Variants in GRM5 observed in about 807,000 individuals in gnomAD.
The protein encoded by GRM5 is metabotropic glutamate receptor 5.
Under a neutral mutation model 83.1 loss-of-function variants are expected in GRM5, and 19 were observed. That is an observed-to-expected ratio of 0.23 (90% confidence interval 0.16 to 0.34). The LOEUF is 0.34. Ranked by LOEUF, GRM5 falls within the 10% of genes least tolerant of loss-of-function variation. GRM5 has a pLI of 1.00. For missense variants in GRM5, 1,160 were observed against 1,588.3 expected (o/e 0.73, Z 4.58); for synonymous variants, 675 against 633.6 (o/e 1.07, Z -0.98).
chr11:88,810,265 A>G (rs184875786), intron 3 of GRM5, among the ~76,000 whole-genome samples: 38 of 152,140 alleles, frequency 2.5e-4, no homozygotes, highest in Non-Finnish European at 4.7e-4. Flanking sequence ...TTAGGTTTGG[A>G]TAGCTGAGTA....
intron 2 of GRM5, among the ~76,000 whole-genome samples, chr11:88,971,666 TA>T (rs1565314805): frequency 6.6e-6 from 1 of 152,164 alleles, no homozygotes; most frequent in African/African-American, 2.4e-5. Context: ...CCACTTTTTT[TA>T]AAATCCAGTT....
chr11:88,971,812 T>C lies in GRM5; in HGVS notation c.661+75400A>G, dbSNP rs1403890233. ...GCAGTTATGAGGAGCACATATAGTGTCCTATTATTTGTTTCTAGATACTAG... is the reference window on the plus strand; with the variant it reads ...GCAGTTATGAGGAGCACATATAGTGCCCTATTATTTGTTTCTAGATACTAG... On this transcript the variant is annotated intron_variant, in intron 2 of 9. Coordinates refer to ENST00000305447, the MANE Select transcript of GRM5 (RefSeq NM_001143831.3). 5.3e-5 allele frequency among the ~76,000 whole-genome samples: 8 copies of C among 152,040 alleles called. No individual in the cohort carries two copies. In the East Asian group the frequency reaches 1.5e-3, roughly 29 times the overall value.
rs190339816 is a variant in GRM5 at position 88,841,227 on chromosome 11, T to C, written c.911+8679A>G. Reference sequence around the variant, plus strand: ...CACATTAAAAACCTGTTACAGCAAATATTCCTTCTCCTCAGTGGTTTTCTT... The same window carrying C: ...CACATTAAAAACCTGTTACAGCAAACATTCCTTCTCCTCAGTGGTTTTCTT... On this transcript the variant is annotated intron_variant, in intron 3 of 9. Coordinates refer to ENST00000305447, the MANE Select transcript of GRM5 (RefSeq NM_001143831.3). Among the ~76,000 whole-genome samples, 13 of 152,264 alleles carry C rather than the reference T, an allele frequency of 8.5e-5. No individual in the cohort carries two copies. The East Asian group carries it at 2.5e-3, about 29-fold the overall frequency.
At chr11:88,782,083 G>A (rs1321175388) in intron 3 of GRM5, among the ~76,000 whole-genome samples, 3 of 151,758 alleles carry the variant, frequency 2.0e-5, no homozygotes, top group Non-Finnish European at 4.4e-5. Context: ...GTATTGCATG[G>A]TATTTATTAA....
chr11:88,931,863 T>A (rs1449956648), intron 2 of GRM5, among the ~76,000 whole-genome samples: 1 of 152,188 alleles, frequency 6.6e-6, no homozygotes, highest in Non-Finnish European at 1.5e-5. Context: ...TCTTCGCTAC[T>A]GTCTCTGATA....
intron 3 of GRM5, among the ~76,000 whole-genome samples, chr11:88,701,207 T>C (rs1941026984): frequency 6.6e-6 from 1 of 152,094 alleles, no homozygotes; most frequent in African/African-American, 2.4e-5. Context: ...ACCATCTTGT[T>C]AGAGCAGTGG....
chr11:88,533,841 G>T (rs1942073217), intron 8 of GRM5, among the ~76,000 whole-genome samples: 1 of 152,174 alleles, frequency 6.6e-6, no homozygotes, highest in Non-Finnish European at 1.5e-5. Context: ...GGAGGAAAAA[G>T]TGGTTTCGTG....
rs577973994 is a variant in GRM5, at chr11:88,951,236, T to C, written c.661+95976A>G. 1.6e-4 allele frequency among the ~76,000 whole-genome samples: 25 copies of C among 152,362 alleles called. No homozygotes were observed. The South Asian group carries it at 5.0e-3, about 30-fold the overall frequency. ...GTTAACATTTTCAGAATCAACTCCATTTCCAGAACAGTCTCTGCTTTTACA... is the reference window on the plus strand; with the variant it reads ...GTTAACATTTTCAGAATCAACTCCACTTCCAGAACAGTCTCTGCTTTTACA... On this transcript the variant is annotated intron_variant, in intron 2 of 9. Coordinates refer to ENST00000305447, the MANE Select transcript of GRM5 (RefSeq NM_001143831.3).
chr11:88,704,902 A>G (rs1311673875), intron 3 of GRM5, among the ~76,000 whole-genome samples: 1 of 151,930 alleles, frequency 6.6e-6, no homozygotes, highest in African/African-American at 2.4e-5. Context: ...AAATGAATGC[A>G]TGGTCTCACT....
At chr11:88,668,843 G>T (rs572525615) in intron 3 of GRM5, among the ~76,000 whole-genome samples, 131 of 152,184 alleles carry the variant, frequency 8.6e-4, no homozygotes, top group Non-Finnish European at 1.0e-4. Context: ...CCACAATTCA[G>T]TTTATGCTTT....
At chr11:88,746,712 T>C (rs979762299) in intron 3 of GRM5, among the ~76,000 whole-genome samples, 1 of 152,182 alleles carries the variant, frequency 6.6e-6, no homozygotes, top group African/African-American at 2.4e-5. Flanking sequence ...TAGCCAAAGA[T>C]AGAGACTGTT....
chr11:88,661,221 G>T (rs1338076754), intron 3 of GRM5, among the ~76,000 whole-genome samples: 1 of 152,100 alleles, frequency 6.6e-6, no homozygotes, highest in African/African-American at 2.4e-5. Flanking sequence ...AAATACTCAA[G>T]AAATGTTTAA....
chr11:88,635,412 C>A (rs1358740804), intron 4 of GRM5, among the ~76,000 whole-genome samples: 14 of 152,130 alleles, frequency 9.2e-5, no homozygotes, highest in Admixed American at 9.2e-4. Context: ...TTACATTTCT[C>A]TAATGGTTAG....
chr11:88,941,383 G>GAGAGAAAGAGAAGAGGAGA (rs1157064477), intron 2 of GRM5, among the ~76,000 whole-genome samples: 4 of 118,192 alleles, frequency 3.4e-5, no homozygotes, highest in African/African-American at 1.1e-4. Flanking sequence ...AATAATGAGA[G>GAGAGAAAGAGAAGAGGAGA]AGAGAAAGAG....
intron 4 of GRM5, among the ~76,000 whole-genome samples, chr11:88,629,585 T>G (rs1938905936): frequency 6.6e-6 from 1 of 152,106 alleles, no homozygotes; most frequent in Non-Finnish European, 1.5e-5. Flanking sequence ...CACTTCCCTA[T>G]TTCCTCAGGC....
At chr11:88,720,037 G>A (rs1941497086) in intron 3 of GRM5, among the ~76,000 whole-genome samples, 2 of 151,934 alleles carry the variant, frequency 1.3e-5, no homozygotes, top group African/African-American at 4.8e-5. Context: ...TGTTAATAGT[G>A]TCTTTTGTTT....
At chr11:88,801,941 G>A (rs1191956629) in intron 3 of GRM5, among the ~76,000 whole-genome samples, 1 of 152,076 alleles carries the variant, frequency 6.6e-6, no homozygotes, top group Non-Finnish European at 1.5e-5. Flanking sequence ...CACCCATGTG[G>A]ATGATGCAAT....
At chr11:88,862,232 T>G (rs1176078111) in intron 2 of GRM5, among the ~76,000 whole-genome samples, 1 of 152,172 alleles carries the variant, frequency 6.6e-6, no homozygotes, top group Non-Finnish European at 1.5e-5. Flanking sequence ...GGGAAATGGC[T>G]TACCTTTTTT....
At chr11:88,930,524 ACTT>A (rs1338387554) in intron 2 of GRM5, among the ~76,000 whole-genome samples, 2 of 152,158 alleles carry the variant, frequency 1.3e-5, no homozygotes, top group Admixed American at 6.6e-5. Flanking sequence ...CATATTGCCA[ACTT>A]CTTTGTTTTT....
Sources: gnomAD v4.1 joint callset for allele counts (sites outside exome capture counted in the v4.1 genomes callset) on GRCh38, gnomAD v4.1.1 for gene constraint, MANE v1.5 for transcripts, NCBI Gene and HGNC (gene_info 2026-07-23, HGNC 2026-07-21) for gene names.